OXR1: variants seen among roughly 807,000 people sequenced by gnomAD.
The protein encoded by OXR1 is oxidation resistance protein 1.
In OXR1, 41 loss-of-function variants were observed where a neutral mutation model predicts 104.6. That is an observed-to-expected ratio of 0.39 (90% confidence interval 0.31 to 0.51). The LOEUF (loss-of-function observed/expected upper bound fraction) is 0.51. Ranked by LOEUF, OXR1 falls within the 20% of genes least tolerant of loss-of-function variation. The probability of loss-of-function intolerance (pLI) is 0.77; values close to 1 mark genes in which losing one functional copy is unlikely to be tolerated. For missense variants in OXR1, 955 were observed against 1,031.9 expected (o/e 0.93, Z 1.02); for synonymous variants, 348 against 348.4 (o/e 1.00, Z 0.01).
At chr8:106,697,872 A>G in intron 7 of OXR1, 1 of 1,612,440 alleles carries the variant, frequency 6.2e-7, no homozygotes, top group East Asian at 2.2e-5. Context: ...TCTCGCGTCC[A>G]GGCTGGGACC....
chr8:106,454,754 T>A (rs1232739051), intron 2 of OXR1, among the ~76,000 whole-genome samples: 1 of 152,144 alleles, frequency 6.6e-6, no homozygotes, highest in African/African-American at 2.4e-5. Context: ...CTCTTCCCAC[T>A]ACTCAATCCC....
chr8:106,335,106 T>TTCTC (rs146889844), intron 1 of OXR1, among the ~76,000 whole-genome samples: 13,290 of 150,696 alleles, frequency 0.088, 660 homozygotes, highest in African/African-American at 0.13. Context: ...AAACATGCCA[T>TTCTC]TCTCTCTCTC....
intron 16 of OXR1, among the ~76,000 whole-genome samples, chr8:106,747,960 A>C (rs1333641322): frequency 6.6e-6 from 1 of 152,178 alleles, no homozygotes; most frequent in African/African-American, 2.4e-5. Flanking sequence ...TAACCCTTTC[A>C]TATTTAGCAG....
Position 106,399,692 on chromosome 8 carries a change from T to G in OXR1, c.23+40056T>G, listed in dbSNP as rs1817923806. The stretch of plus-strand genomic sequence containing the variant: ...GTAATTCCCACTTTAACCAAACAGA[T>G]GTAACACAATCTAGCTTAAACAGGT... On this transcript the variant is annotated intron_variant, in intron 2 of 16. Transcript: ENST00000517566. Among the ~76,000 whole-genome samples the G allele has an allele frequency of 3.9e-5, 6 of 152,164 alleles. No homozygotes were observed. The South Asian group carries it at 1.2e-3, about 32-fold the overall frequency.
chr8:106,389,739 T>C (rs910132561), intron 2 of OXR1, among the ~76,000 whole-genome samples: 2 of 152,196 alleles, frequency 1.3e-5, no homozygotes, highest in African/African-American at 4.8e-5. Context: ...GGGGTATATA[T>C]GGATTAGTTT....
At chr8:106,630,227 G>C (rs1308745158) in intron 3 of OXR1, among the ~76,000 whole-genome samples, 1 of 152,174 alleles carries the variant, frequency 6.6e-6, no homozygotes, top group Admixed American at 6.5e-5. Context: ...TTCTTTATCT[G>C]CAATGTGGGG....
chr8:106,660,293 A>G (rs1825627531), intron 3 of OXR1, among the ~76,000 whole-genome samples: 2 of 152,192 alleles, frequency 1.3e-5, no homozygotes, highest in Non-Finnish European at 2.9e-5. Context: ...TGCTTCTCAG[A>G]TGGATTTTGG....
rs1245520441 is a variant in OXR1 at position 106,359,601 on chromosome 8, A to G, written c.-13A>G. 2 of 1,548,426 alleles carry G rather than the reference A, an allele frequency of 1.3e-6. No homozygotes were observed. Among genetic ancestry groups the G allele is most frequent in the Non-Finnish European group, 1.7e-6 (2 of 1,143,756 alleles). ...TCTGGAATCGAGAGAAGACTCCTCA[A>G]CAAGTTGCTGCAATGTCTGTGTCTA... is the stretch of plus-strand genomic sequence containing the variant. On this transcript the variant is annotated 5_prime_UTR_variant, in exon 2 of 17. Coordinates refer to ENST00000517566, the MANE Select transcript of OXR1 (RefSeq NM_001198533.2).
intron 7 of OXR1, among the ~76,000 whole-genome samples, chr8:106,700,148 G>T (rs1406248762): frequency 6.6e-6 from 1 of 152,112 alleles, no homozygotes; most frequent in African/African-American, 2.4e-5. Context: ...AATAATCTGT[G>T]CTTAAAGTTT....
chr8:106,693,424 C>CTTTTTTTTTTTTTT (rs11384137), intron 7 of OXR1, among the ~76,000 whole-genome samples: 1 of 97,554 alleles, frequency 1.0e-5, no homozygotes, highest in Non-Finnish European at 2.0e-5. Context: ...TAGTCAGAAT[C>CTTTTTTTTTTTTTT]TTTTTTTTTT....
intron 1 of OXR1, among the ~76,000 whole-genome samples, chr8:106,277,542 GAA>G (rs939706201): frequency 8.0e-4 from 121 of 151,888 alleles, no homozygotes; most frequent in African/African-American, 2.6e-3. Flanking sequence ...GTTTCTTGAG[GAA>G]AAAAAAGAGA....
chr8:106,502,509 T>C (rs1057052108), intron 2 of OXR1, among the ~76,000 whole-genome samples: 9 of 152,200 alleles, frequency 5.9e-5, no homozygotes, highest in African/African-American at 2.2e-4. Context: ...GATTTTTACC[T>C]CTCCATAGCA....
intron 16 of OXR1, 151 bp from the exon 17 acceptor site, chr8:106,750,655 G>T: frequency 1.7e-6 from 1 of 575,438 alleles, no homozygotes; most frequent in Admixed American, 3.7e-5. Context: ...AATGGAATAG[G>T]AGTAAAACAA....
At chr8:106,499,443 G>C (rs1431946805) in intron 2 of OXR1, among the ~76,000 whole-genome samples, 1 of 152,096 alleles carries the variant, frequency 6.6e-6, no homozygotes, top group African/African-American at 2.4e-5. Flanking sequence ...CCTTTGTATA[G>C]CTTGGTTTCT....
chr8:106,272,666 G>A (rs1811868024), intron 1 of OXR1: 1 of 152,236 alleles, frequency 6.6e-6, no homozygotes, highest in African/African-American at 2.4e-5. Context: ...CCATGTGACA[G>A]TGGCTGGCTG....
At chr8:106,520,205 CT>C (rs1563577085) in intron 3 of OXR1, among the ~76,000 whole-genome samples, 1 of 151,764 alleles carries the variant, frequency 6.6e-6, no homozygotes, top group African/African-American at 2.4e-5. Context: ...TGATTGAAAT[CT>C]TTTTCTTTGA....
At chr8:106,327,453 A>G (rs1814517201) in intron 1 of OXR1, among the ~76,000 whole-genome samples, 1 of 152,186 alleles carries the variant, frequency 6.6e-6, no homozygotes, top group Non-Finnish European at 1.5e-5. Context: ...AATTGGGAGT[A>G]CGACAGACAC....
chr8:106,381,875 C>T (rs923090521), intron 2 of OXR1, among the ~76,000 whole-genome samples: 3 of 152,152 alleles, frequency 2.0e-5, no homozygotes, highest in African/African-American at 7.2e-5. Flanking sequence ...AATATACCTC[C>T]AGTCATACTA....
chr8:106,298,998 T>C (rs1813120221), intron 1 of OXR1, among the ~76,000 whole-genome samples: 1 of 152,032 alleles, frequency 6.6e-6, no homozygotes, highest in Non-Finnish European at 1.5e-5. Flanking sequence ...GCTTATTTAA[T>C]CTCACACATA....
Sources: gnomAD v4.1 joint callset for allele counts (sites outside exome capture counted in the v4.1 genomes callset) on GRCh38, gnomAD v4.1.1 for gene constraint, MANE v1.5 for transcripts, NCBI Gene and HGNC (gene_info 2026-07-23, HGNC 2026-07-21) for gene names.